The following MAML2 variants were observed in gnomAD, a reference collection of about 807,000 sequenced individuals.
MAML2 encodes the protein mastermind-like protein 2.
Under a neutral mutation model 96.1 loss-of-function variants are expected in MAML2, and 22 were observed. The ratio of observed to expected loss-of-function variants is 0.23; its 90% CI spans 0.16 to 0.33. MAML2 has a LOEUF of 0.33. MAML2 is among the 10% of genes least tolerant of loss of function. The pLI is 1.00. For synonymous variants in MAML2, 561 were observed against 521.3 expected, an observed-to-expected ratio of 1.08 and a Z score of -1.04; for missense variants, 1,367 against 1,392.4, an observed-to-expected ratio of 0.98 and a Z score of 0.29.
intron 1 of MAML2, among the ~76,000 whole-genome samples, chr11:96,238,283 G>A (rs1862391027): frequency 6.6e-6 from 1 of 152,220 alleles, no homozygotes; most frequent in African/African-American, 2.4e-5. Flanking sequence ...TAAAGGAGGA[G>A]AGCAATATTA....
chr11:95,998,137 TGTCA>T (rs1369356350), intron 2 of MAML2, among the ~76,000 whole-genome samples: 67 of 125,972 alleles, frequency 5.3e-4, no homozygotes, highest in Middle Eastern at 8.0e-3. Context: ...TCTGTCTGTC[TGTCA>T]GTCTGTCTGT....
chr11:96,288,705 T>C (rs1188799354), intron 1 of MAML2, among the ~76,000 whole-genome samples: 1 of 152,326 alleles, frequency 6.6e-6, no homozygotes, highest in East Asian at 1.9e-4. Context: ...TAAATTAAGG[T>C]ATAAAGCTGG....
intron 1 of MAML2, among the ~76,000 whole-genome samples, chr11:96,152,085 T>C (rs544157908): frequency 3.3e-5 from 5 of 152,290 alleles, no homozygotes; most frequent in African/African-American, 7.2e-5. Flanking sequence ...TAGCCAGATA[T>C]GGTGGTGTGC....
intron 1 of MAML2, among the ~76,000 whole-genome samples, chr11:96,234,966 C>A (rs949710717): frequency 2.0e-5 from 3 of 152,128 alleles, no homozygotes; most frequent in Non-Finnish European, 4.4e-5. Context: ...TTAAGTGGAA[C>A]AATGGTGACA....
intron 1 of MAML2, among the ~76,000 whole-genome samples, chr11:96,327,710 C>A (rs559220045): frequency 6.6e-6 from 1 of 151,986 alleles, no homozygotes; most frequent in Admixed American, 6.6e-5. Context: ...TGAGCAACTG[C>A]GCCCGGCCCT....
chr11:96,003,536 CA>C (rs943537165), intron 2 of MAML2, among the ~76,000 whole-genome samples: 4 of 151,944 alleles, frequency 2.6e-5, no homozygotes, highest in African/African-American at 9.7e-5. Context: ...TCCCTCTGTT[CA>C]AAAAGGGATT....
At chr11:96,306,776 T>C (rs1863469458) in intron 1 of MAML2, among the ~76,000 whole-genome samples, 3 of 152,088 alleles carry the variant, frequency 2.0e-5, no homozygotes, top group African/African-American at 7.2e-5. Context: ...GCGGGTGGAG[T>C]GGTTACTTGA....
chr11:96,044,560 T>C (rs548652944), intron 2 of MAML2, among the ~76,000 whole-genome samples: 26 of 152,280 alleles, frequency 1.7e-4, no homozygotes, highest in African/African-American at 6.3e-4. Flanking sequence ...AATCTTGGCA[T>C]AGAGGGAGTG....
rs548569981 is a variant in MAML2 at position 96,167,146 on chromosome 11, G to C, written c.514-73629C>G. Among the ~76,000 whole-genome samples the C allele has an allele frequency of 4.6e-5, 7 of 152,198 alleles. No individual in the cohort carries two copies. The East Asian group carries it at 1.4e-3, about 29-fold the overall frequency. On this transcript the variant is annotated intron_variant, in intron 1 of 4. Transcript: ENST00000524717. ...CTCCACCTCATACTTCCCTTTCTTG[G>C]AGTCCTTATTTCAGTTAATGCCATT...
chr11:96,072,561 T>G (rs1859363759), intron 2 of MAML2, among the ~76,000 whole-genome samples: 1 of 152,248 alleles, frequency 6.6e-6, no homozygotes, highest in African/African-American at 2.4e-5. Context: ...TTACATAGTT[T>G]ACATAAAGTA....
At chr11:96,025,169 T>C (rs1446024018) in intron 2 of MAML2, among the ~76,000 whole-genome samples, 1 of 151,992 alleles carries the variant, frequency 6.6e-6, no homozygotes, top group Non-Finnish European at 1.5e-5. Context: ...CAACTGTGGA[T>C]TGGATAAAGA....
chr11:96,091,750 G>C (rs2135809634), intron 2 of MAML2, 142 bp downstream of exon 2: 1 of 1,245,670 alleles, frequency 8.0e-7, no homozygotes, highest in South Asian at 1.6e-5. Context: ...CAGGCTTTAT[G>C]AGGTCTTCAT....
intron 3 of MAML2, among the ~76,000 whole-genome samples, chr11:95,990,927 T>G (rs923204881): frequency 6.6e-6 from 1 of 152,042 alleles, no homozygotes; most frequent in Non-Finnish European, 1.5e-5. Flanking sequence ...TCTTAAACAG[T>G]CAAATATTAG....
intron 1 of MAML2, among the ~76,000 whole-genome samples, chr11:96,297,982 T>C (rs2135995948): frequency 6.6e-6 from 1 of 152,320 alleles, no homozygotes; most frequent in Admixed American, 6.5e-5. Context: ...ATAGTTGAAA[T>C]CAGGATCAAA....
chr11:96,111,952 T>TA (rs11428116), intron 1 of MAML2, among the ~76,000 whole-genome samples: 135,452 of 149,022 alleles, frequency 0.91, 61,605 homozygotes, highest in East Asian at 1. Flanking sequence ...TCTTTTTTTC[T>TA]AAAAAAAAAA....
intron 1 of MAML2, among the ~76,000 whole-genome samples, chr11:96,187,530 C>T (rs1319638881): frequency 6.6e-6 from 1 of 152,130 alleles, no homozygotes; most frequent in Non-Finnish European, 1.5e-5. Flanking sequence ...TTAAACAGGC[C>T]GGGTGCGGTG....
chr11:96,120,103 G>A (rs937256204), intron 1 of MAML2, among the ~76,000 whole-genome samples: 3 of 151,956 alleles, frequency 2.0e-5, no homozygotes, highest in Middle Eastern at 3.2e-3. Context: ...GACTACAGGC[G>A]CCTGCCAGCA....
chr11:96,121,550 A>G (rs908880709), intron 1 of MAML2, among the ~76,000 whole-genome samples: 5 of 152,056 alleles, frequency 3.3e-5, no homozygotes, highest in African/African-American at 1.2e-4. Context: ...GCCTTGCTTC[A>G]AATTTAAATT....
intron 1 of MAML2, among the ~76,000 whole-genome samples, chr11:96,281,847 G>C (rs1863071701): frequency 6.6e-6 from 1 of 152,016 alleles, no homozygotes; most frequent in Non-Finnish European, 1.5e-5. Flanking sequence ...TCCAGCGTGG[G>C]TGGCAGAGCA....
Sources: gnomAD v4.1 joint callset for allele counts (sites outside exome capture counted in the v4.1 genomes callset) on GRCh38, gnomAD v4.1.1 for gene constraint, MANE v1.5 for transcripts, NCBI Gene and HGNC (gene_info 2026-07-23, HGNC 2026-07-21) for gene names.